Variants in UGT1A8 observed in about 807,000 individuals in gnomAD.
UGT1A8 encodes the protein UDP glucuronosyltransferase family 1 member A8.
Under a neutral mutation model 45.3 loss-of-function variants are expected in UGT1A8, and 39 were observed. The ratio of observed to expected loss-of-function variants is 0.86; its 90% confidence interval spans 0.67 to 1.12. UGT1A8 has a LOEUF of 1.12. Ranked by LOEUF, UGT1A8 falls within the 50% of genes most tolerant of loss-of-function variation. UGT1A8 has a pLI of 0.00. For missense variants in UGT1A8, 719 were observed against 664.9 expected (o/e 1.08, Z -0.90); for synonymous variants, 275 against 249.2 (o/e 1.10, Z -0.97).
intron 1 of UGT1A8, chr2:233,693,664 T>C (rs140637573): frequency 4.3e-6 from 7 of 1,614,196 alleles, no homozygotes; most frequent in Non-Finnish European, 5.9e-6. Context: ...TGGAGCCCTA[T>C]CTATTTTATT....
At chr2:233,719,289 T>A in intron 1 of UGT1A8, 1 of 1,614,098 alleles carries the variant, frequency 6.2e-7, no homozygotes, top group African/African-American at 1.3e-5. Flanking sequence ...CGTTAACCTC[T>A]GTGGGGCGGT....
chr2:233,642,732 C>T (rs1200538010), intron 1 of UGT1A8, among the ~76,000 whole-genome samples: 3 of 152,196 alleles, frequency 2.0e-5, no homozygotes, highest in Non-Finnish European at 4.4e-5. Context: ...TAGGGGGCAC[C>T]CCAAGCCTAG....
At chr2:233,667,379 A>T (rs2074100590) in intron 1 of UGT1A8, among the ~76,000 whole-genome samples, 1 of 152,220 alleles carries the variant, frequency 6.6e-6, no homozygotes, top group Non-Finnish European at 1.5e-5. Context: ...ACAAAAATTA[A>T]TTCAAGATGG....
chr2:233,705,440 G>A (rs72986482), intron 1 of UGT1A8, among the ~76,000 whole-genome samples: 3,401 of 152,250 alleles, frequency 0.022, 46 homozygotes, highest in Middle Eastern at 0.041. Flanking sequence ...TTATCCTTCA[G>A]AATTGCACAT....
intron 1 of UGT1A8, among the ~76,000 whole-genome samples, chr2:233,764,716 G>C (rs1292483836): frequency 6.6e-6 from 1 of 152,182 alleles, no homozygotes; most frequent in Non-Finnish European, 1.5e-5. Context: ...GTCTCCCCAA[G>C]AAAGAGGGAG....
chr2:233,655,470 G>A (rs1283413550), intron 1 of UGT1A8, among the ~76,000 whole-genome samples: 1 of 152,170 alleles, frequency 6.6e-6, no homozygotes, highest in Admixed American at 6.5e-5. Context: ...GACTTAAGGA[G>A]GCTCATGCTT....
intron 1 of UGT1A8, among the ~76,000 whole-genome samples, chr2:233,668,105 T>C (rs192564367): frequency 6.6e-6 from 1 of 152,110 alleles, no homozygotes; most frequent in Non-Finnish European, 1.5e-5. Context: ...GTGCACAACA[T>C]GCAGGTTTGT....
At chr2:233,672,501 T>G in intron 1 of UGT1A8, 1 of 1,613,992 alleles carries the variant, frequency 6.2e-7, no homozygotes, top group South Asian at 1.1e-5. Flanking sequence ...CTCTTTCCTA[T>G]GTCCCCAGAA....
At chr2:233,624,766 T>A (rs1412324207) in intron 1 of UGT1A8, among the ~76,000 whole-genome samples, 3 of 152,142 alleles carry the variant, frequency 2.0e-5, no homozygotes, top group African/African-American at 7.2e-5. Flanking sequence ...AAACAACATC[T>A]TAGCAATTTT....
At position 233,768,160 on chromosome 2, in the gene UGT1A8, G is replaced by A. The variant is rs35295390; in HGVS notation, c.1076-60G>A. The A allele has an allele frequency of 1.5e-4, 241 of 1,613,276 alleles. 1 individual carries two copies. The African/African-American group carries it at 2.5e-3, about 17-fold the overall frequency. ...TTTGGAGTGTTTTCAGAACCTAGAT[G>A]TGTCCAGCTGTGAAACTCAGAGATG... On this transcript the variant is annotated intron_variant, in intron 3 of 4. Coordinates refer to ENST00000373450, the MANE Select transcript of UGT1A8 (RefSeq NM_019076.5).
intron 1 of UGT1A8, among the ~76,000 whole-genome samples, chr2:233,733,960 G>T (rs2078458395): frequency 6.6e-6 from 1 of 151,916 alleles, no homozygotes; most frequent in African/African-American, 2.4e-5. Flanking sequence ...CTGTTGTGGG[G>T]TAGGGGGAGC....
At position 233,697,329 on chromosome 2, in the gene UGT1A8, T is replaced by A. The variant is rs545927444; in HGVS notation, c.856-69705T>A. Among the ~76,000 whole-genome samples the A allele has an allele frequency of 3.3e-5, 5 of 152,252 alleles. No homozygotes were observed. The East Asian group carries it at 9.6e-4, about 29-fold the overall frequency. The stretch of plus-strand genomic sequence containing the variant: ...GGTAGATTGTTTGTGTTTGGAAATG[T>A]ATCCATTTCCTCTAGGTTTTCTAAT... On this transcript the variant is annotated intron_variant, in intron 1 of 4. Transcript: ENST00000373450.
At chr2:233,765,693 AAATAATAATAATAATAATT>A (rs1698909746) in intron 1 of UGT1A8, among the ~76,000 whole-genome samples, 1 of 147,312 alleles carries the variant, frequency 6.8e-6, no homozygotes, top group East Asian at 2.0e-4. Flanking sequence ...AACTTCAAGT[AAATAATAATAATAATAATT>A]AATAATAATA....
At position 233,617,744 on chromosome 2, in the gene UGT1A8, T is replaced by G; in HGVS notation, c.37T>G (p.Cys13Gly). ...AGGGTGGACCAGCCCCATTCCCCTA[T>G]GTGTTTCTCTGCTGCTGACCTGTGG... Reference protein sequence around the residue: ...RTGWTSPIPLCVSLLLTCGFA... With the variant: ...RTGWTSPIPLGVSLLLTCGFA... The change falls in exon 1 of 5, where the codon TGT becomes GGT. Residue 13 changes from cysteine (C) to glycine (G), a missense_variant. Coordinates refer to ENST00000373450, the MANE Select transcript of UGT1A8 (RefSeq NM_019076.5). 2 of 1,614,102 alleles carry G rather than the reference T, an allele frequency of 1.2e-6. No homozygotes were observed. Among genetic ancestry groups the G allele is most frequent in the South Asian group, 2.2e-5 (2 of 91,072 alleles).
intron 1 of UGT1A8, chr2:233,671,837 C>A: frequency 6.8e-7 from 1 of 1,463,918 alleles, no homozygotes; most frequent in Non-Finnish European, 9.0e-7. Flanking sequence ...TAAAAACACG[C>A]CCTCTATTGG....
At position 233,618,100 on chromosome 2, in the gene UGT1A8, A is replaced by C. The variant is rs748241297; in HGVS notation, c.393A>C (p.Arg131=). Residue 131 remains arginine (R), a synonymous_variant, in exon 1 of 5, where the codon CGA becomes CGC. Transcript: ENST00000373450. ...ATTGCAGGAGTTTGTTTAATGACCGAAAATTAGTAGAATACTTAAAGGAGA... is the reference window on the plus strand; with the variant it reads ...ATTGCAGGAGTTTGTTTAATGACCGCAAATTAGTAGAATACTTAAAGGAGA... The part of the protein sequence containing the change: ...FSHCRSLFND[R]KLVEYLKESS... 15 of 1,614,016 alleles carry C rather than the reference A, an allele frequency of 9.3e-6. No homozygotes were observed. Among genetic ancestry groups the C allele is most frequent in the Admixed American group, 1.7e-5 (1 of 59,992 alleles).
intron 1 of UGT1A8, among the ~76,000 whole-genome samples, chr2:233,671,506 T>C (rs2074190846): frequency 6.6e-6 from 1 of 152,202 alleles, no homozygotes; most frequent in African/African-American, 2.4e-5. Context: ...TGAGTTGCCA[T>C]CTTCTCTGGA....
At chr2:233,622,979 A>G (rs4300821) in intron 1 of UGT1A8, among the ~76,000 whole-genome samples, 119,546 of 152,134 alleles carry the variant, frequency 0.79, 47,081 homozygotes, top group African/African-American at 0.82. Flanking sequence ...TTATTAAATA[A>G]GGAATATTTT....
intron 1 of UGT1A8, among the ~76,000 whole-genome samples, chr2:233,625,724 G>T (rs2125450894): frequency 6.6e-6 from 1 of 151,888 alleles, no homozygotes; most frequent in South Asian, 2.1e-4. Flanking sequence ...TCACTTAGAA[G>T]TGGGAGCTAA....
Sources: allele counts gnomAD v4.1 joint callset (sites outside exome capture counted in the v4.1 genomes callset), GRCh38; gene constraint gnomAD v4.1.1; transcripts MANE v1.5; gene names NCBI Gene and HGNC (gene_info 2026-07-23, HGNC 2026-07-21).